Variants in BMP5 observed in about 807,000 individuals in gnomAD.
BMP5 encodes bone morphogenetic protein 5.
A neutral mutation model predicts 46.6 loss-of-function variants in BMP5; 23 were observed. The ratio of observed to expected loss-of-function variants is 0.49; its 90% confidence interval spans 0.35 to 0.70. BMP5 has a LOEUF of 0.70. Among genes scored for constraint, BMP5 ranks in the 30% least tolerant of loss-of-function variants. The probability of loss-of-function intolerance (pLI) is 0.00; values close to 1 mark genes in which losing one functional copy is unlikely to be tolerated. For missense variants in BMP5, 545 were observed against 565.6 expected, an observed-to-expected ratio of 0.96 and a Z score of 0.37; for synonymous variants, 204 against 191.9, an observed-to-expected ratio of 1.06 and a Z score of -0.52.
Position 55,845,503 on chromosome 6 carries a change from G to A in BMP5, c.491-25656C>T, listed in dbSNP as rs936740065. On this transcript the variant is annotated intron_variant, in intron 1 of 6. Transcript: ENST00000370830. ...ATGTAACACTTCCCTTACTGTTAAG[G>A]TGAGTGTCTCCTACTACCTTAAGAT... Among the ~76,000 whole-genome samples the A allele has an allele frequency of 3.3e-5, 5 of 152,090 alleles. No homozygotes were observed. In the East Asian group the frequency reaches 5.8e-4, roughly 18 times the overall value.
At chr6:55,835,892 G>T (rs1383998892) in intron 1 of BMP5, among the ~76,000 whole-genome samples, 1 of 152,114 alleles carries the variant, frequency 6.6e-6, no homozygotes, top group Non-Finnish European at 1.5e-5. Flanking sequence ...AGTAAGAGAT[G>T]AATTTAAAGT....
chr6:55,775,051 C>T (rs1010055357), intron 3 of BMP5, among the ~76,000 whole-genome samples: 1 of 151,904 alleles, frequency 6.6e-6, no homozygotes, highest in Non-Finnish European at 1.5e-5. Context: ...AGCTTCAAGA[C>T]TCAAATTTGC....
At chr6:55,826,100 T>C (rs1776525393) in intron 1 of BMP5, among the ~76,000 whole-genome samples, 1 of 151,832 alleles carries the variant, frequency 6.6e-6, no homozygotes, top group Non-Finnish European at 1.5e-5. Flanking sequence ...TAAAGACTTA[T>C]TTATTGGTCA....
At chr6:55,762,172 T>C (rs1451970531) in intron 4 of BMP5, among the ~76,000 whole-genome samples, 3 of 152,124 alleles carry the variant, frequency 2.0e-5, no homozygotes, top group African/African-American at 7.2e-5. Flanking sequence ...TTGGGTTTGC[T>C]CACATTTTGT....
intron 4 of BMP5, among the ~76,000 whole-genome samples, chr6:55,770,162 A>G (rs1013384237): frequency 2.6e-5 from 4 of 151,934 alleles, no homozygotes; most frequent in Non-Finnish European, 5.9e-5. Context: ...TTCTCTAGCT[A>G]TGAAAGTCCT....
intron 3 of BMP5, among the ~76,000 whole-genome samples, chr6:55,793,015 T>A (rs1413880091): frequency 6.6e-6 from 1 of 151,318 alleles, no homozygotes; most frequent in Admixed American, 6.6e-5. Context: ...TGATGTTTTT[T>A]ATAAATATTT....
intron 3 of BMP5, among the ~76,000 whole-genome samples, chr6:55,790,804 G>C (rs1209368691): frequency 6.6e-6 from 1 of 152,048 alleles, no homozygotes; most frequent in Non-Finnish European, 1.5e-5. Context: ...CCGCTACCAT[G>C]GCTCTTTTGG....
chr6:55,838,715 A>G (rs1438141558), intron 1 of BMP5, among the ~76,000 whole-genome samples: 1 of 152,180 alleles, frequency 6.6e-6, no homozygotes, highest in African/African-American at 2.4e-5. Context: ...TATCATTTAA[A>G]AAATCCTTAT....
At chr6:55,845,401 GA>G (rs1015177174) in intron 1 of BMP5, among the ~76,000 whole-genome samples, 4 of 148,224 alleles carry the variant, frequency 2.7e-5, no homozygotes, top group African/African-American at 4.9e-5. Flanking sequence ...AGCAACTCTT[GA>G]AAAAAAAAAT....
chr6:55,788,636 C>T (rs528167412), intron 3 of BMP5, among the ~76,000 whole-genome samples: 2 of 151,884 alleles, frequency 1.3e-5, no homozygotes, highest in South Asian at 4.1e-4. Flanking sequence ...TTATTTGTGC[C>T]CTACCATGTG....
chr6:55,852,996 G>A (rs962557735), intron 1 of BMP5, among the ~76,000 whole-genome samples: 1 of 151,808 alleles, frequency 6.6e-6, no homozygotes, highest in African/African-American at 2.4e-5. Context: ...TGGGCATGGT[G>A]GTGCCCGCCT....
intron 4 of BMP5, among the ~76,000 whole-genome samples, chr6:55,769,756 A>T (rs1775002500): frequency 6.6e-6 from 1 of 151,942 alleles, no homozygotes; most frequent in Non-Finnish European, 1.5e-5. Context: ...GGAAGTCAAA[A>T]CTACTCTTTC....
intron 1 of BMP5, among the ~76,000 whole-genome samples, chr6:55,837,976 C>T (rs1011092626): frequency 6.6e-6 from 1 of 152,118 alleles, no homozygotes; most frequent in Non-Finnish European, 1.5e-5. Flanking sequence ...CATATTGTTG[C>T]AAACGACTGG....
intron 1 of BMP5, among the ~76,000 whole-genome samples, chr6:55,824,355 A>G (rs1776480460): frequency 6.6e-6 from 1 of 151,924 alleles, no homozygotes; most frequent in Non-Finnish European, 1.5e-5. Flanking sequence ...TTCATTCCTT[A>G]ATGTATATTT....
At chr6:55,811,684 T>C (rs1167756656) in intron 2 of BMP5, among the ~76,000 whole-genome samples, 1 of 151,680 alleles carries the variant, frequency 6.6e-6, no homozygotes, top group Non-Finnish European at 1.5e-5. Context: ...CCTCTCTCTT[T>C]CTCCCTCTCT....
intron 1 of BMP5, among the ~76,000 whole-genome samples, chr6:55,870,123 C>A (rs1470471744): frequency 6.6e-6 from 1 of 151,436 alleles, no homozygotes; most frequent in Non-Finnish European, 1.5e-5. Flanking sequence ...TGAGGCAGTC[C>A]CAAGTCCTTC....
At chr6:55,786,016 T>A (rs1023265167) in intron 3 of BMP5, among the ~76,000 whole-genome samples, 3 of 151,794 alleles carry the variant, frequency 2.0e-5, no homozygotes, top group Non-Finnish European at 4.4e-5. Context: ...ATTTGATCCC[T>A]AACACAATTA....
intron 2 of BMP5, among the ~76,000 whole-genome samples, chr6:55,799,411 A>C (rs1775791551): frequency 6.6e-6 from 1 of 152,216 alleles, no homozygotes; most frequent in African/African-American, 2.4e-5. Flanking sequence ...GAGCAGAAAG[A>C]GGAGAAAAGG....
intron 2 of BMP5, among the ~76,000 whole-genome samples, chr6:55,806,698 C>T (rs966890470): frequency 6.6e-6 from 1 of 152,032 alleles, no homozygotes; most frequent in African/African-American, 2.4e-5. Flanking sequence ...TTCCTATCCA[C>T]AAGAATAGAA....
Sources: gnomAD v4.1 joint callset for allele counts (sites outside exome capture counted in the v4.1 genomes callset) on GRCh38, gnomAD v4.1.1 for gene constraint, MANE v1.5 for transcripts, NCBI Gene and HGNC (gene_info 2026-07-23, HGNC 2026-07-21) for gene names.